Variants in PPP1R15A observed in about 807,000 individuals in gnomAD.
PPP1R15A encodes the protein growth arrest and DNA damage-inducible protein GADD34.
In PPP1R15A, 43 loss-of-function variants were observed where a neutral mutation model predicts 48.5. The ratio of observed to expected loss-of-function variants is 0.89; its 90% CI spans 0.69 to 1.14. The LOEUF is 1.14. Ranked by LOEUF, PPP1R15A falls within the 50% of genes most tolerant of loss-of-function variation. The pLI, the probability that PPP1R15A is intolerant of heterozygous loss-of-function variation, is 0.00. For missense variants in PPP1R15A, 868 were observed against 847.2 expected (o/e 1.02, Z -0.30); for synonymous variants, 327 against 327.4 (o/e 1.00, Z 0.01).
rs2037055583 is a variant in PPP1R15A at position 48,874,575 on chromosome 19, G to A, written c.1342G>A (p.Val448Met). The A allele has an allele frequency of 2.5e-6, 4 of 1,614,108 alleles. No homozygotes were observed. Among genetic ancestry groups the A allele is most frequent in the South Asian group, 2.2e-5 (2 of 91,094 alleles). Residue 448 changes from valine (V) to methionine (M), a missense_variant, in exon 2 of 3, where the codon GTG (valine) becomes ATG (methionine). Val to Met is a conservative substitution (Grantham distance 21). Transcript: ENST00000200453. ...EDTEEEEDED[V>M]DSEDKEDDSE... is the part of the protein sequence containing the mutation. The stretch of plus-strand genomic sequence containing the variant: ...CACGGAGGAGGAGGAAGATGAGGAT[G>A]TGGATAGTGAGGATAAGGAAGATGA...
Position 48,873,679 on chromosome 19 carries a change from G to C in PPP1R15A, c.446G>C (p.Arg149Thr), listed in dbSNP as rs1368431339. The change falls in exon 2 of 3, where the codon AGG becomes ACG. Residue 149 changes from arginine (R) to threonine (T), a missense_variant. By Grantham distance (71) the Arg-to-Thr change is moderately conservative. Transcript: ENST00000200453. Reference sequence around the variant, plus strand: ...CCCCTGTCTCCCAGCCTTCTGATAAGGACACTGCAAGGTTCTGATAAGAAC... The same window carrying C: ...CCCCTGTCTCCCAGCCTTCTGATAACGACACTGCAAGGTTCTGATAAGAAC... The part of the protein sequence containing the change: ...RAPLSPSLLI[R>T]TLQGSDKNPG... 1 of 1,614,054 alleles carries C rather than the reference G, an allele frequency of 6.2e-7. No homozygotes were observed. Among genetic ancestry groups the C allele is most frequent in the Non-Finnish European group, 8.5e-7 (1 of 1,180,046 alleles).
chr19:48,873,837 G>C lies in PPP1R15A; in HGVS notation c.604G>C (p.Glu202Gln). 1 of 1,614,128 alleles carries C rather than the reference G, an allele frequency of 6.2e-7. No individual in the cohort carries two copies. The highest frequency in any genetic ancestry group is 1.3e-5 in the African/African-American group (1 of 75,012). Reference protein sequence around the residue: ...EEDDEEAVKKEAHRTSTSALS... With the variant: ...EEDDEEAVKKQAHRTSTSALS... The stretch of plus-strand genomic sequence containing the variant: ...GGACGATGAAGAAGCTGTAAAGAAA[G>C]AAGCTCACAGAACCTCTACTTCTGC... Residue 202 changes from glutamate (E) to glutamine (Q), a missense_variant, in exon 2 of 3, where the codon GAA (glutamate) becomes CAA (glutamine). Coordinates refer to ENST00000200453, the MANE Select transcript of PPP1R15A (RefSeq NM_014330.5).
chr19:48,873,980 C>T lies in PPP1R15A; in HGVS notation c.747C>T (p.Ser249=). 3 of 1,614,108 alleles carry T rather than the reference C, an allele frequency of 1.9e-6. No individual in the cohort carries two copies. Among genetic ancestry groups the T allele is most frequent in the South Asian group, 1.1e-5 (1 of 91,088 alleles). Residue 249 remains serine, a synonymous_variant, in exon 2 of 3, where the codon TCC becomes TCT. Coordinates refer to ENST00000200453, the MANE Select transcript of PPP1R15A (RefSeq NM_014330.5). ...AAGGAGCCAGGAAGACCTCCGTGTCCCCCCGATCTTCAGGCTCCGACCCCA... is the reference window on the plus strand; with the variant it reads ...AAGGAGCCAGGAAGACCTCCGTGTCTCCCCGATCTTCAGGCTCCGACCCCA... ...RSKGARKTSV[S]PRSSGSDPRS...
At position 48,874,423 on chromosome 19, in the gene PPP1R15A, C is replaced by T. The variant is rs757615457; in HGVS notation, c.1190C>T (p.Thr397Ile). 3.0e-5 allele frequency: 48 copies of T among 1,613,794 alleles called. No individual in the cohort carries two copies. Among genetic ancestry groups the T allele is most frequent in the Non-Finnish European group, 4.1e-5 (48 of 1,179,976 alleles). ...TGGGTCTATCAGCCAGGAGAGGACA[C>T]AGAGGAGGAGGAAGATGAGGACAGT... Reference protein sequence around the residue: ...KSWVYQPGEDTEEEEDEDSDT... With the variant: ...KSWVYQPGEDIEEEEDEDSDT... The change falls in exon 2 of 3, where the codon ACA becomes ATA. Residue 397 changes from threonine to isoleucine, a missense_variant. Coordinates refer to ENST00000200453, the MANE Select transcript of PPP1R15A (RefSeq NM_014330.5).
At chr19:48,875,460 C>T (rs1027197149) in intron 2 of PPP1R15A, 154 bp from the exon 3 acceptor site, 9 of 1,032,492 alleles carry the variant, frequency 8.7e-6, no homozygotes, top group Non-Finnish European at 1.1e-5. Context: ...TAGAGAATCC[C>T]GTGACAGTGA....
Position 48,874,383 on chromosome 19 carries a change from G to A in PPP1R15A, c.1150G>A (p.Val384Ile), listed in dbSNP as rs1350741093. ...EASSSTPATGVFLKSWVYQPG... is the reference protein window; with the variant it reads ...EASSSTPATGIFLKSWVYQPG... ...TTCCTCTTCCACTCCTGCTACAGGTGTCTTCTTGAAGTCCTGGGTCTATCA... is the reference window on the plus strand; with the variant it reads ...TTCCTCTTCCACTCCTGCTACAGGTATCTTCTTGAAGTCCTGGGTCTATCA... Residue 384 changes from valine to isoleucine, a missense_variant, in exon 2 of 3, where the codon GTC becomes ATC. Physicochemically the swap from Val to Ile is conservative, Grantham distance 29. Coordinates refer to ENST00000200453, the MANE Select transcript of PPP1R15A (RefSeq NM_014330.5). The A allele has an allele frequency of 1.9e-6, 3 of 1,614,148 alleles. No individual in the cohort carries two copies. In the South Asian group the frequency reaches 3.3e-5, roughly 18 times the overall value.
Position 48,875,891 on chromosome 19 carries a change from C to T in PPP1R15A, c.1943C>T (p.Pro648Leu), listed in dbSNP as rs1188552487. 2.1e-5 allele frequency: 34 copies of T among 1,614,034 alleles called. No homozygotes were observed. Among genetic ancestry groups the T allele is most frequent in the Non-Finnish European group, 2.8e-5 (33 of 1,180,000 alleles). Residue 648 changes from proline to leucine, a missense_variant, in exon 3 of 3, where the codon CCC becomes CTC. By Grantham distance (98) the Pro-to-Leu change is moderately conservative. Coordinates refer to ENST00000200453, the MANE Select transcript of PPP1R15A (RefSeq NM_014330.5). ...CCTTCGTCCCCAGTCCAGACCACGC[C>T]CTTGAGCCAAGCTGTGGCCACACCT... is the stretch of plus-strand genomic sequence containing the variant. ...SVPSSPVQTT[P>L]LSQAVATPSR...
In PPP1R15A at chr19:48,874,684, A is replaced by G. The variant is rs753264539; in HGVS notation, c.1451A>G (p.Tyr484Cys). ...DQRAHFRGWGYRPGKETEEEE... is the reference protein window; with the variant it reads ...DQRAHFRGWGCRPGKETEEEE... The stretch of plus-strand genomic sequence containing the variant: ...AGGGCCCACTTCAGGGGCTGGGGAT[A>G]TCGACCTGGAAAAGAGACAGAGGAA... Residue 484 changes from tyrosine to cysteine, a missense_variant, in exon 2 of 3, where the codon TAT becomes TGT. Tyr to Cys is a radical substitution (Grantham distance 194, BLOSUM62 -2). Transcript: ENST00000200453. The G allele has an allele frequency of 2.5e-6, 4 of 1,613,730 alleles. No homozygotes were observed. Among genetic ancestry groups the G allele is most frequent in the South Asian group, 2.2e-5 (2 of 91,068 alleles).
rs371024875 is a variant in PPP1R15A at position 48,874,914 on chromosome 19, C to T, written c.1665+16C>T. ...GGCCAGAAAGGTAGGTGCTGAGAGC[C>T]CAGATTCTATTTTTTTTTTTTTTTT... On this transcript the variant is annotated intron_variant, in intron 2 of 2. Transcript: ENST00000200453. The T allele has an allele frequency of 2.1e-4, 316 of 1,504,904 alleles. No homozygotes were observed. Among genetic ancestry groups the T allele is most frequent in the Non-Finnish European group, 2.7e-4 (301 of 1,134,856 alleles). The allele number at this position is 1,504,904 out of a possible 1,614,324, so 93.2% of individuals were successfully genotyped here.
intron 2 of PPP1R15A, 123 bp downstream of exon 2, chr19:48,875,021 A>C (rs756028926): frequency 8.3e-7 from 1 of 1,200,274 alleles, no homozygotes; most frequent in Non-Finnish European, 1.1e-6. Flanking sequence ...CTGCCGCCCA[A>C]GTTCAGGCGA....
Position 48,873,595 on chromosome 19 carries a change from G to A in PPP1R15A, c.362G>A (p.Arg121Gln), listed in dbSNP as rs200986283. The A allele has an allele frequency of 4.8e-5, 78 of 1,614,164 alleles. No homozygotes were observed. Among genetic ancestry groups the A allele is most frequent in the Middle Eastern group, 3.3e-4 (2 of 6,062 alleles). Residue 121 changes from arginine (R) to glutamine (Q), a missense_variant, in exon 2 of 3, where the codon CGA (arginine) becomes CAA (glutamine). Physicochemically the swap from Arg to Gln is conservative, Grantham distance 43. Transcript: ENST00000200453. Reference protein sequence around the residue: ...LDDDDGMYGEREATSVPRGQG... With the variant: ...LDDDDGMYGEQEATSVPRGQG... ...GATGATGATGGCATGTATGGTGAGCGAGAGGCAACCAGTGTCCCTAGAGGG... is the reference window on the plus strand; with the variant it reads ...GATGATGATGGCATGTATGGTGAGCAAGAGGCAACCAGTGTCCCTAGAGGG...
At chr19:48,875,166 C>A (rs1387222219) in intron 2 of PPP1R15A, 5 of 370,334 alleles carry the variant, frequency 1.4e-5, no homozygotes, top group Middle Eastern at 7.5e-4. Context: ...CCTGACATCA[C>A]GTGATCCACC....
Position 48,873,504 on chromosome 19 carries a change from G to T in PPP1R15A, c.271G>T (p.Glu91Ter), listed in dbSNP as rs1271154078. 1 of 1,614,222 alleles carries T rather than the reference G, an allele frequency of 6.2e-7. No individual in the cohort carries two copies. Among genetic ancestry groups the T allele is most frequent in the South Asian group, 1.1e-5 (1 of 91,082 alleles). Residue 91 changes from glutamate to a stop codon, truncating the protein, a stop_gained, in exon 2 of 3, where the codon GAG becomes TAG. Coordinates refer to ENST00000200453, the MANE Select transcript of PPP1R15A (RefSeq NM_014330.5). LOFTEE classifies it high-confidence loss of function. ...GGCTGAAGACAGTGGAGGCCCTGGA[G>T]AGGACAGAGAAACACTGGGGCTGAA... ...EEAEDSGGPG[E>*]DRETLGLKTS...
intron 1 of PPP1R15A, among the ~76,000 whole-genome samples, 158 bp downstream of exon 1, chr19:48,872,809 G>A (rs1350049325): frequency 1.3e-5 from 2 of 152,156 alleles, no homozygotes; most frequent in African/African-American, 4.8e-5. Context: ...GCCAAGTAGG[G>A]GGTCGGGTCA....
At position 48,873,279 on chromosome 19, in the gene PPP1R15A, G is replaced by GC; in HGVS notation, c.49dup (p.His17ProfsTer49). The GC allele has an allele frequency of 6.4e-7, 1 of 1,573,500 alleles. No homozygotes were observed. Among genetic ancestry groups the GC allele is most frequent in the Non-Finnish European group, 8.6e-7 (1 of 1,162,580 alleles). On this transcript the variant is annotated frameshift_variant, in exon 2 of 3. Coordinates refer to ENST00000200453, the MANE Select transcript of PPP1R15A (RefSeq NM_014330.5). LOFTEE classifies it high-confidence loss of function. The stretch of plus-strand genomic sequence containing the variant: ...CCATCAGGCTACCCCGTGGAGGGAT[G>GC]CCCACCCTTTCTTCCTCCTGTCCCC...
In PPP1R15A at chr19:48,875,982, G is replaced by T. The variant is rs770966592; in HGVS notation, c.*9G>T. ...GTGGGAGGCGTGGCTGAGACCAACT[G>T]GTTTGCCTATAATTTATTAACTATT... On this transcript the variant is annotated 3_prime_UTR_variant, in exon 3 of 3. Coordinates refer to ENST00000200453, the MANE Select transcript of PPP1R15A (RefSeq NM_014330.5). The T allele has an allele frequency of 1.3e-6, 2 of 1,552,534 alleles. No homozygotes were observed. Among genetic ancestry groups the T allele is most frequent in the South Asian group, 2.4e-5 (2 of 84,784 alleles).
At position 48,874,418 on chromosome 19, in the gene PPP1R15A, G is replaced by A. The variant is rs754130334; in HGVS notation, c.1185G>A (p.Glu395=). 6.2e-7 allele frequency: 1 copy of A among 1,614,044 alleles called. No homozygotes were observed. Among genetic ancestry groups the A allele is most frequent in the Non-Finnish European group, 8.5e-7 (1 of 1,180,012 alleles). The change falls in exon 2 of 3, where the codon GAG becomes GAA. Residue 395 remains glutamate (E), a synonymous_variant. Coordinates refer to ENST00000200453, the MANE Select transcript of PPP1R15A (RefSeq NM_014330.5). ...AGTCCTGGGTCTATCAGCCAGGAGA[G>A]GACACAGAGGAGGAGGAAGATGAGG... ...FLKSWVYQPG[E]DTEEEEDEDS...
chr19:48,873,508 A>G lies in PPP1R15A; in HGVS notation c.275A>G (p.Asp92Gly), dbSNP rs1463264191. Residue 92 changes from aspartate to glycine, a missense_variant, in exon 2 of 3, where the codon GAC becomes GGC. Transcript: ENST00000200453. ...GAAGACAGTGGAGGCCCTGGAGAGGACAGAGAAACACTGGGGCTGAAAACC... is the reference window on the plus strand; with the variant it reads ...GAAGACAGTGGAGGCCCTGGAGAGGGCAGAGAAACACTGGGGCTGAAAACC... ...EAEDSGGPGE[D>G]RETLGLKTSS... 6.2e-7 allele frequency: 1 copy of G among 1,614,094 alleles called. No individual in the cohort carries two copies.
At chr19:48,872,684 CG>C in intron 1 of PPP1R15A, 33 bp downstream of exon 1, 1 of 338,586 alleles carries the variant, frequency 3.0e-6, no homozygotes, top group East Asian at 8.1e-5. Flanking sequence ...TGGGTCCCCA[CG>C]GGGCTGGGGG....
Sources: allele counts gnomAD v4.1 joint callset (sites outside exome capture counted in the v4.1 genomes callset), GRCh38; gene constraint gnomAD v4.1.1; transcripts MANE v1.5; gene names NCBI Gene and HGNC (gene_info 2026-07-23, HGNC 2026-07-21).